The following RGS9 variants were observed in gnomAD, a reference collection of about 807,000 sequenced individuals.
RGS9 encodes the protein regulator of G protein signaling 9.
A neutral mutation model predicts 102.0 loss-of-function variants in RGS9; 78 were observed. The observed-to-expected ratio is 0.76, with a 90% CI of 0.64 to 0.92. RGS9 has a LOEUF of 0.92. Among genes scored for constraint, RGS9 ranks in the 40% least tolerant of loss-of-function variants. The pLI is 0.00. For synonymous variants in RGS9, 353 were observed against 318.6 expected, an observed-to-expected ratio of 1.11 and a Z score of -1.15; for missense variants, 833 against 866.1, an observed-to-expected ratio of 0.96 and a Z score of 0.48.
chr17:65,181,162 C>T (rs1176600270), intron 9 of RGS9, among the ~76,000 whole-genome samples: 1 of 152,146 alleles, frequency 6.6e-6, no homozygotes, highest in Non-Finnish European at 1.5e-5. Context: ...GGGTATATAC[C>T]TAGTAATGCG....
intron 1 of RGS9, among the ~76,000 whole-genome samples, chr17:65,146,933 C>T (rs1910388346): frequency 6.6e-6 from 1 of 152,048 alleles, no homozygotes; most frequent in South Asian, 2.1e-4. Context: ...TTCTTGGGTA[C>T]CATGGAGACC....
intron 13 of RGS9, among the ~76,000 whole-genome samples, chr17:65,201,133 T>C (rs1200620935): frequency 7.1e-6 from 1 of 140,100 alleles, no homozygotes; most frequent in African/African-American, 3.0e-5. Context: ...ACACACACAC[T>C]TGCTCTCTCT....
intron 15 of RGS9, among the ~76,000 whole-genome samples, chr17:65,207,061 A>C (rs1335801004): frequency 1.3e-5 from 2 of 152,206 alleles, no homozygotes. Flanking sequence ...ACGAGCATTC[A>C]TGAAGCTTCT....
Position 65,163,031 on chromosome 17 carries a change from A to C in RGS9, c.442A>C (p.Asn148His). ...TCTTTAGGAAAATTACAATTTCTTGAACCAAAAAATGAACTATAAGTGGGA... is the reference window on the plus strand; with the variant it reads ...TCTTTAGGAAAATTACAATTTCTTGCACCAAAAAATGAACTATAAGTGGGA... ...EYEKENYNFL[N>H]QKMNYKWDFV... The change falls in exon 7 of 19, where the codon AAC becomes CAC. Residue 148 changes from asparagine (N) to histidine (H), a missense_variant. Physicochemically the swap from Asn to His is moderately conservative, Grantham distance 68. Coordinates refer to ENST00000262406, the MANE Select transcript of RGS9 (RefSeq NM_003835.4). 1 of 1,592,832 alleles carries C rather than the reference A, an allele frequency of 6.3e-7. No individual in the cohort carries two copies. The highest frequency in any genetic ancestry group is 8.6e-7 in the Non-Finnish European group (1 of 1,162,008).
chr17:65,206,879 A>G (rs1913083452), intron 15 of RGS9, among the ~76,000 whole-genome samples: 1 of 152,196 alleles, frequency 6.6e-6, no homozygotes, highest in African/African-American at 2.4e-5. Flanking sequence ...CAGTGGCTCC[A>G]TGGTCCCTAT....
intron 1 of RGS9, among the ~76,000 whole-genome samples, chr17:65,146,893 A>T (rs544418121): frequency 0.024 from 3,698 of 152,140 alleles, 183 homozygotes; most frequent in African/African-American, 0.084. Flanking sequence ...TCAAAAACAA[A>T]CAAACAAACA....
chr17:65,224,003 C>T (rs188072515), intron 17 of RGS9, among the ~76,000 whole-genome samples: 239 of 152,064 alleles, frequency 1.6e-3, no homozygotes, highest in African/African-American at 5.4e-3. Context: ...GTTATCCACC[C>T]GCCTCAGCTT....
rs192835338 is a variant in RGS9 at position 65,180,641 on chromosome 17, C to T, written c.654+2838C>T. On this transcript the variant is annotated intron_variant, in intron 9 of 18. Transcript: ENST00000262406. ...CTGGGATTACAGGCATGAACCACTG[C>T]GCCTGGCTATCAATCCTTCTTTTTA... 8.5e-5 allele frequency among the ~76,000 whole-genome samples: 13 copies of T among 152,292 alleles called. No homozygotes were observed. The South Asian group carries it at 1.2e-3, about 15-fold the overall frequency.
intron 13 of RGS9, 126 bp downstream of exon 13, chr17:65,197,367 A>T (rs1912636239): frequency 9.8e-6 from 7 of 714,656 alleles, no homozygotes; most frequent in Non-Finnish European, 1.7e-5. Context: ...GCCCTTAAAC[A>T]GTTGCTTCCT....
In RGS9 at chr17:65,157,542, G is replaced by A. The variant is rs78904844; in HGVS notation, c.155-753G>A. On this transcript the variant is annotated intron_variant, in intron 2 of 18. Transcript: ENST00000262406. ...ACATTCTCTCCTGGCCTCTGAGCCC[G>A]CCTCTCCTGCTGTTTTTCATGCCAT... 3.6e-3 allele frequency among the ~76,000 whole-genome samples: 553 copies of A among 151,982 alleles called. 2 individuals are homozygous for A. The highest frequency in any genetic ancestry group is 0.013 in the African/African-American group (540 of 41,444).
At chr17:65,186,162 T>TTTTTTTTATTTA in intron 9 of RGS9, among the ~76,000 whole-genome samples, 1 of 138,042 alleles carries the variant, frequency 7.2e-6, no homozygotes, top group South Asian at 2.4e-4. Context: ...TTGGTTTACA[T>TTTTTTTTATTTA]TTTATTTATT....
intron 8 of RGS9, among the ~76,000 whole-genome samples, chr17:65,172,662 G>A (rs868328729): frequency 6.6e-6 from 1 of 152,168 alleles, no homozygotes; most frequent in South Asian, 2.1e-4. Flanking sequence ...GACATTGCCC[G>A]TGACCTCAAG....
intron 17 of RGS9, among the ~76,000 whole-genome samples, chr17:65,211,564 C>T (rs1185047271): frequency 4.6e-5 from 5 of 109,116 alleles, no homozygotes; most frequent in East Asian, 5.2e-4. Context: ...TAGGTGTAGA[C>T]GAGGTCAGCC....
At chr17:65,217,619 G>A (rs1412860675) in intron 17 of RGS9, among the ~76,000 whole-genome samples, 1 of 152,214 alleles carries the variant, frequency 6.6e-6, no homozygotes, top group African/African-American at 2.4e-5. Flanking sequence ...GGAGGAAGGC[G>A]AGAGATATAG....
At position 65,227,519 on chromosome 17, in the gene RGS9, A is replaced by G. The variant is rs1598014901; in HGVS notation, c.*112A>G. ...GAGAACCAAAGTGCATTTGGGTGAC[A>G]TTTGAAGATTGGGGAGACAAGATGG... On this transcript the variant is annotated 3_prime_UTR_variant, in exon 19 of 19. Coordinates refer to ENST00000262406, the MANE Select transcript of RGS9 (RefSeq NM_003835.4). The G allele has an allele frequency of 2.8e-6, 4 of 1,420,186 alleles. No individual in the cohort carries two copies. In the East Asian group the frequency reaches 7.5e-5, roughly 27 times the overall value. The allele number at this position is 1,420,186 out of a possible 1,614,324, so 88.0% of individuals were successfully genotyped here. A position where few individuals can be genotyped will look rare whatever the true frequency, so the allele number is the denominator to read the frequency against.
chr17:65,227,267 AC>A lies in RGS9; in HGVS notation c.1893-6del. 1 of 1,614,068 alleles carries A rather than the reference AC, an allele frequency of 6.2e-7. No homozygotes were observed. Among genetic ancestry groups the A allele is most frequent in the South Asian group, 1.1e-5 (1 of 91,078 alleles). On this transcript the variant is annotated splice_region_variant and splice_polypyrimidine_tract_variant and intron_variant, in intron 18 of 18. Coordinates refer to ENST00000262406, the MANE Select transcript of RGS9 (RefSeq NM_003835.4). ...CCTACATTACTGGCTTTCCTCTTGC[AC>A]CTGAAGCTTTTTCCAGATCAAAATG...
At chr17:65,188,999 C>A (rs11658673) in intron 9 of RGS9, 2 of 499,562 alleles carry the variant, frequency 4.0e-6, no homozygotes, top group South Asian at 4.2e-5. Flanking sequence ...CTATGCTAAA[C>A]TGACACCAGT....
intron 1 of RGS9, among the ~76,000 whole-genome samples, chr17:65,146,100 A>G (rs551855960): frequency 6.6e-6 from 1 of 152,286 alleles, no homozygotes; most frequent in Non-Finnish European, 1.5e-5. Context: ...TGCAAAGACA[A>G]GGAATCAAAT....
chr17:65,162,732 G>A lies in RGS9; in HGVS notation c.424-281G>A, dbSNP rs1911032425. On this transcript the variant is annotated intron_variant, in intron 6 of 18. Transcript: ENST00000262406. ...GATCTGCCTGCCTTGGCCTCCCAAA[G>A]TGCTGGGATTACAGGTGTGAGCCAC... Among the ~76,000 whole-genome samples the A allele has an allele frequency of 2.0e-5, 3 of 151,838 alleles. No homozygotes were observed. The South Asian group carries it at 6.2e-4, about 32-fold the overall frequency.
Sources: allele counts gnomAD v4.1 joint callset (sites outside exome capture counted in the v4.1 genomes callset), GRCh38; gene constraint gnomAD v4.1.1; transcripts MANE v1.5; gene names NCBI Gene and HGNC (gene_info 2026-07-23, HGNC 2026-07-21).